The following ATP8B1 variants were observed in gnomAD, a reference collection of about 807,000 sequenced individuals.
ATP8B1 encodes phospholipid-transporting ATPase IC.
Under a neutral mutation model 149.9 loss-of-function variants are expected in ATP8B1, and 80 were observed. The ratio of observed to expected loss-of-function variants is 0.53; its 90% CI spans 0.45 to 0.64. The LOEUF (loss-of-function observed/expected upper bound fraction) is 0.64, where lower values mean the gene tolerates loss of function less well. Among genes scored for constraint, ATP8B1 ranks in the 30% least tolerant of loss-of-function variants. The pLI, the probability that ATP8B1 is intolerant of heterozygous loss-of-function variation, is 0.00. For synonymous variants in ATP8B1, 536 were observed against 562.8 expected, an observed-to-expected ratio of 0.95 and a Z score of 0.67; for missense variants, 1,247 against 1,552.6, an observed-to-expected ratio of 0.80 and a Z score of 3.31.
At chr18:57,777,504 G>A (rs1020937920) in intron 1 of ATP8B1, among the ~76,000 whole-genome samples, 9 of 152,320 alleles carry the variant, frequency 5.9e-5, no homozygotes, top group Admixed American at 3.3e-4. Context: ...GATGGCCCGT[G>A]CCTTTGGGTA....
intron 1 of ATP8B1, among the ~76,000 whole-genome samples, chr18:57,799,753 T>C (rs778344153): frequency 4.6e-5 from 7 of 150,876 alleles, no homozygotes; most frequent in African/African-American, 9.8e-5. Flanking sequence ...TATATACATA[T>C]ACACACGTAT....
At chr18:57,751,972 G>A (rs1035436963) in intron 1 of ATP8B1, among the ~76,000 whole-genome samples, 2 of 152,056 alleles carry the variant, frequency 1.3e-5, no homozygotes, top group African/African-American at 2.4e-5. Flanking sequence ...TTGGAGGGCC[G>A]AGGTGGGCAG....
At chr18:57,669,534 G>A in intron 17 of ATP8B1, 52 bp from the exon 18 acceptor site, 1 of 1,528,956 alleles carries the variant, frequency 6.5e-7, no homozygotes, top group Non-Finnish European at 9.0e-7. Flanking sequence ...GTTAATTTAT[G>A]TAATTCAGGA....
intron 8 of ATP8B1, among the ~76,000 whole-genome samples, chr18:57,696,547 CAAA>C (rs10639684): frequency 4.8e-5 from 7 of 145,626 alleles, no homozygotes; most frequent in South Asian, 2.2e-4. Flanking sequence ...TTTTTTCCGC[CAAA>C]AAAAAAAAAA....
At chr18:57,745,809 A>G (rs1343263708) in intron 1 of ATP8B1, among the ~76,000 whole-genome samples, 1 of 151,980 alleles carries the variant, frequency 6.6e-6, no homozygotes, top group African/African-American at 2.4e-5. Flanking sequence ...GGCAAATGAC[A>G]CCACAACTGG....
At chr18:57,649,292 A>G (rs200157744) in intron 27 of ATP8B1, among the ~76,000 whole-genome samples, 1 of 152,116 alleles carries the variant, frequency 6.6e-6, no homozygotes, top group Non-Finnish European at 1.5e-5. Context: ...TGATTGATCA[A>G]TCGATCTACC....
intron 1 of ATP8B1, among the ~76,000 whole-genome samples, chr18:57,777,115 C>G (rs1371962729): frequency 6.6e-6 from 1 of 151,972 alleles, no homozygotes; most frequent in Non-Finnish European, 1.5e-5. Flanking sequence ...GTAGCTGGGA[C>G]TATAGGCATG....
chr18:57,681,786 A>G (rs1799177629), intron 15 of ATP8B1, among the ~76,000 whole-genome samples: 1 of 152,068 alleles, frequency 6.6e-6, no homozygotes, highest in Non-Finnish European at 1.5e-5. Context: ...GGGTGACAAG[A>G]GCAAGACTGT....
At chr18:57,797,703 C>CTT (rs59261353) in intron 1 of ATP8B1, among the ~76,000 whole-genome samples, 11,475 of 96,270 alleles carry the variant, frequency 0.12, 1,015 homozygotes, top group South Asian at 0.13. Context: ...TTCTTTCTTT[C>CTT]TTTTTTTTTT....
chr18:57,662,691 A>T, intron 20 of ATP8B1, 76 bp from the exon 21 acceptor site: 1 of 1,476,742 alleles, frequency 6.8e-7, no homozygotes, highest in Non-Finnish European at 9.3e-7. Flanking sequence ...ACTTTGACTT[A>T]AAAAAAATTG....
rs115152942 is a variant in ATP8B1, at chr18:57,801,721, T to C, written c.-26+1277A>G. Among the ~76,000 whole-genome samples, 639 of 152,234 alleles carry C rather than the reference T, an allele frequency of 4.2e-3. 5 individuals are homozygous for C. Among genetic ancestry groups the C allele is most frequent in the African/African-American group, 0.015 (625 of 41,538 alleles). Reference sequence around the variant, plus strand: ...GTGATCTCCAAACATCCCACTAGTTTTTTCTTTTTTTAGTTTCCCATGGGT... The same window carrying C: ...GTGATCTCCAAACATCCCACTAGTTCTTTCTTTTTTTAGTTTCCCATGGGT... On this transcript the variant is annotated intron_variant, in intron 1 of 27. Transcript: ENST00000648908.
chr18:57,732,810 G>A lies in ATP8B1; in HGVS notation c.-25-978C>T, dbSNP rs561292388. ...ACTCCTGACCTCAAGTCATCCACCC[G>A]CCTCGGCTTCCCAAAGTGCTGGGAT... On this transcript the variant is annotated intron_variant, in intron 1 of 27. Transcript: ENST00000648908. Among the ~76,000 whole-genome samples the A allele has an allele frequency of 1.7e-3, 242 of 145,470 alleles. 2 individuals carry two copies. The highest frequency in any genetic ancestry group is 3.4e-3 in the Middle Eastern group (1 of 292).
chr18:57,683,653 G>A (rs1912092744), intron 15 of ATP8B1, among the ~76,000 whole-genome samples: 1 of 152,154 alleles, frequency 6.6e-6, no homozygotes, highest in Non-Finnish European at 1.5e-5. Context: ...GATTAGTCAA[G>A]TTCAAAGTCC....
intron 6 of ATP8B1, among the ~76,000 whole-genome samples, chr18:57,699,741 A>C (rs1913024298): frequency 1.3e-5 from 2 of 151,582 alleles, no homozygotes; most frequent in Admixed American, 1.3e-4. Flanking sequence ...AAAAAAAGAC[A>C]GGAGTCTCAC....
intron 1 of ATP8B1, among the ~76,000 whole-genome samples, chr18:57,793,642 G>A (rs982770863): frequency 6.6e-6 from 1 of 151,994 alleles, no homozygotes; most frequent in Admixed American, 6.6e-5. Context: ...GGAACAGCTA[G>A]ATAAGCCAAG....
At chr18:57,718,395 A>G (rs1164258940) in intron 2 of ATP8B1, among the ~76,000 whole-genome samples, 1 of 152,158 alleles carries the variant, frequency 6.6e-6, no homozygotes, top group Non-Finnish European at 1.5e-5. Flanking sequence ...AAATCCCAGG[A>G]CCCAATGGCT....
At chr18:57,744,448 TG>T (rs1200609767) in intron 1 of ATP8B1, among the ~76,000 whole-genome samples, 6 of 151,422 alleles carry the variant, frequency 4.0e-5, no homozygotes, top group African/African-American at 1.5e-4. Context: ...AATAAAAGAC[TG>T]GGGCTGGTTC....
intron 1 of ATP8B1, among the ~76,000 whole-genome samples, chr18:57,783,844 AT>A (rs201589416): frequency 3.3e-5 from 5 of 152,234 alleles, no homozygotes; most frequent in African/African-American, 9.6e-5. Flanking sequence ...TAAAAAAAAA[AT>A]AAAAATAATA....
chr18:57,785,549 A>C (rs962111993), intron 1 of ATP8B1, among the ~76,000 whole-genome samples: 1 of 152,216 alleles, frequency 6.6e-6, no homozygotes, highest in Non-Finnish European at 1.5e-5. Context: ...TCTGTTGCCC[A>C]GGCTGGAGTG....
Sources: allele counts gnomAD v4.1 joint callset (sites outside exome capture counted in the v4.1 genomes callset), GRCh38; gene constraint gnomAD v4.1.1; transcripts MANE v1.5; gene names NCBI Gene and HGNC (gene_info 2026-07-23, HGNC 2026-07-21).